The following TAAR2 variants were observed in gnomAD, a reference collection of about 807,000 sequenced individuals.
TAAR2 encodes the protein trace amine associated receptor 2.
A neutral mutation model predicts 25.5 loss-of-function variants in TAAR2; 30 were observed. The observed-to-expected ratio is 1.18, with a 90% CI of 0.88 to 1.60. The LOEUF is 1.60. Ranked by LOEUF, TAAR2 falls within the 40% of genes most tolerant of loss-of-function variation. The pLI is 0.00. For synonymous variants in TAAR2, 150 were observed against 142.4 expected (o/e 1.05, Z -0.38); for missense variants, 481 against 416.5 (o/e 1.15, Z -1.35).
chr6:132,620,277 G>A (rs1029909772), intron 1 of TAAR2, among the ~76,000 whole-genome samples: 1 of 152,162 alleles, frequency 6.6e-6, no homozygotes, highest in Non-Finnish European at 1.5e-5. Flanking sequence ...GTGTATGATG[G>A]GACGTATTTG....
At chr6:132,620,823 T>A in intron 1 of TAAR2, among the ~76,000 whole-genome samples, 1 of 149,094 alleles carries the variant, frequency 6.7e-6, no homozygotes, top group African/African-American at 2.5e-5. Flanking sequence ...AAACACACAT[T>A]AAAAAGTAGG....
chr6:132,618,223 T>A, intron 1 of TAAR2, 78 bp from the exon 2 acceptor site: 1 of 1,317,606 alleles, frequency 7.6e-7, no homozygotes, highest in Non-Finnish European at 1.0e-6. Flanking sequence ...ATAGAAAAAC[T>A]CAAGAAAGGC....
At chr6:132,622,172 A>G (rs1158452926) in intron 1 of TAAR2, among the ~76,000 whole-genome samples, 1 of 152,006 alleles carries the variant, frequency 6.6e-6, no homozygotes, top group Non-Finnish European at 1.5e-5. Context: ...GATTTGTAAC[A>G]TAATGAATTG....
At chr6:132,621,882 A>G (rs1310303301) in intron 1 of TAAR2, among the ~76,000 whole-genome samples, 2 of 152,186 alleles carry the variant, frequency 1.3e-5, no homozygotes, top group East Asian at 1.9e-4. Flanking sequence ...CACATCCCCC[A>G]TAATTTATTT....
chr6:132,624,190 A>C (rs1254425704), intron 1 of TAAR2, 26 bp downstream of exon 1: 4 of 1,610,256 alleles, frequency 2.5e-6, no homozygotes, highest in Non-Finnish European at 3.4e-6. Context: ...ACTGGTTTAA[A>C]CTTAGTCATA....
Position 132,617,203 on chromosome 6 carries a change from A to C in TAAR2, c.1003T>G (p.Phe335Val). Residue 335 changes from phenylalanine (F) to valine (V), a missense_variant, in exon 2 of 2, where the codon TTC becomes GTC. Phe to Val is a conservative substitution (Grantham distance 50, BLOSUM62 -1). Transcript: ENST00000367931. ...ALKYILLGKI[F>V]SSCFHNTILC... ...ATAGTATTATGGAAACATGAGCTGAAAATTTTACCTAGCAAAATGTACTTC... is the reference window on the plus strand; with the variant it reads ...ATAGTATTATGGAAACATGAGCTGACAATTTTACCTAGCAAAATGTACTTC... 1 of 1,606,330 alleles carries C rather than the reference A, an allele frequency of 6.2e-7. No individual in the cohort carries two copies. Among genetic ancestry groups the C allele is most frequent in the South Asian group, 1.1e-5 (1 of 88,398 alleles).
At position 132,617,262 on chromosome 6, in the gene TAAR2, T is replaced by C. The variant is rs200639804; in HGVS notation, c.944A>G (p.Tyr315Cys). Residue 315 changes from tyrosine to cysteine, a missense_variant, in exon 2 of 2, where the codon TAT becomes TGT. Physicochemically the swap from Tyr to Cys is radical, Grantham distance 194. Coordinates refer to ENST00000367931, the MANE Select transcript of TAAR2 (RefSeq NM_001033080.1). ...YFNSTCNPLI[Y>C]GFFYPWFRRA... ...GCGAAACCAGGGATAGAAGAAACCA[T>C]ATATTAACGGATTACATGTGGAGTT... 320 of 1,613,652 alleles carry C rather than the reference T, an allele frequency of 2.0e-4. No individual in the cohort carries two copies. The highest frequency in any genetic ancestry group is 1.4e-3 in the East Asian group (62 of 44,750).
intron 1 of TAAR2, among the ~76,000 whole-genome samples, chr6:132,622,310 A>T (rs1434442615): frequency 6.6e-6 from 1 of 150,824 alleles, no homozygotes; most frequent in African/African-American, 2.4e-5. Context: ...AGAATTTTCT[A>T]TTTTTTCTAA....
chr6:132,620,687 A>T (rs1456913609), intron 1 of TAAR2, among the ~76,000 whole-genome samples: 8 of 152,096 alleles, frequency 5.3e-5, no homozygotes, highest in Admixed American at 1.3e-4. Flanking sequence ...ACTGGGCTCA[A>T]TACAGGGGTG....
At chr6:132,622,676 C>T (rs547277891) in intron 1 of TAAR2, among the ~76,000 whole-genome samples, 9 of 151,514 alleles carry the variant, frequency 5.9e-5, no homozygotes, top group South Asian at 2.1e-4. Flanking sequence ...AGTAGAGACA[C>T]GGTTTCACTG....
At chr6:132,621,267 T>A (rs1777369179) in intron 1 of TAAR2, among the ~76,000 whole-genome samples, 1 of 152,168 alleles carries the variant, frequency 6.6e-6, no homozygotes, top group South Asian at 2.1e-4. Flanking sequence ...TTTCTTTTAC[T>A]TTAAGTTCTG....
chr6:132,617,485 G>C lies in TAAR2; in HGVS notation c.721C>G (p.His241Asp). The part of the protein sequence containing the change: ...KIFAVSRKHA[H>D]AINNLRENQN... ...TTTTCTCGCAAGTTATTGATGGCAT[G>C]AGCATGTTTTCTGGATACTGCAAAA... The change falls in exon 2 of 2, where the codon CAT becomes GAT. Residue 241 changes from histidine to aspartate, a missense_variant. Physicochemically the swap from His to Asp is moderately conservative, Grantham distance 81 (BLOSUM62 -1). Coordinates refer to ENST00000367931, the MANE Select transcript of TAAR2 (RefSeq NM_001033080.1). 6.2e-7 allele frequency: 1 copy of C among 1,613,982 alleles called. No homozygotes were observed. The highest frequency in any genetic ancestry group is 2.2e-5 in the East Asian group (1 of 44,822).
At chr6:132,622,541 A>C (rs957895349) in intron 1 of TAAR2, among the ~76,000 whole-genome samples, 1 of 129,416 alleles carries the variant, frequency 7.7e-6, no homozygotes, top group Non-Finnish European at 1.6e-5. Context: ...GCTAGAGTGC[A>C]ATGGTGCAAT....
At chr6:132,618,596 T>G (rs1777333758) in intron 1 of TAAR2, among the ~76,000 whole-genome samples, 1 of 151,878 alleles carries the variant, frequency 6.6e-6, no homozygotes, top group Non-Finnish European at 1.5e-5. Flanking sequence ...GCCGAGATTG[T>G]GCCACTGAAC....
At chr6:132,622,529 A>G (rs1777388547) in intron 1 of TAAR2, among the ~76,000 whole-genome samples, 1 of 117,250 alleles carries the variant, frequency 8.5e-6, no homozygotes, top group Admixed American at 1.2e-4. Flanking sequence ...TCTGTAGCCC[A>G]GGCTAGAGTG....
intron 1 of TAAR2, among the ~76,000 whole-genome samples, chr6:132,619,990 T>G (rs1167835758): frequency 6.6e-6 from 1 of 152,134 alleles, no homozygotes; most frequent in Non-Finnish European, 1.5e-5. Flanking sequence ...GAGGGGAGTA[T>G]AGAGGGAGAG....
chr6:132,619,021 G>A (rs539585350), intron 1 of TAAR2, among the ~76,000 whole-genome samples: 2 of 152,262 alleles, frequency 1.3e-5, no homozygotes, highest in South Asian at 2.1e-4. Flanking sequence ...CAATCTATAA[G>A]GCAAATCATG....
rs1777310828 is a variant in TAAR2, at chr6:132,617,516, G to T, written c.690C>A (p.Gly230=). 1 of 1,613,728 alleles carries T rather than the reference G, an allele frequency of 6.2e-7. No individual in the cohort carries two copies. Among genetic ancestry groups the T allele is most frequent in the Admixed American group, 1.7e-5 (1 of 59,960 alleles). Residue 230 remains glycine, a synonymous_variant, in exon 2 of 2, where the codon GGC becomes GGA. Coordinates refer to ENST00000367931, the MANE Select transcript of TAAR2 (RefSeq NM_001033080.1). ...GTTTTCTGGATACTGCAAAAATTTT[G>T]CCATAAATCCCCACCATCATAGACC... The part of the protein sequence containing the change: ...TPGSMMVGIY[G]KIFAVSRKHA...
intron 1 of TAAR2, among the ~76,000 whole-genome samples, chr6:132,622,554 C>T (rs1273725608): frequency 6.1e-5 from 8 of 131,596 alleles, no homozygotes; most frequent in South Asian, 2.6e-4. Context: ...GGTGCAATCT[C>T]GGCTCACTGC....
Sources: gnomAD v4.1 joint callset for allele counts (sites outside exome capture counted in the v4.1 genomes callset) on GRCh38, gnomAD v4.1.1 for gene constraint, MANE v1.5 for transcripts, NCBI Gene and HGNC (gene_info 2026-07-23, HGNC 2026-07-21) for gene names.